The following PDE2A variants were observed in gnomAD, a reference collection of about 807,000 sequenced individuals.
The protein encoded by PDE2A is phosphodiesterase 2A.
Under a neutral mutation model 133.6 loss-of-function variants are expected in PDE2A, and 53 were observed. The ratio of observed to expected loss-of-function variants is 0.40; its 90% CI spans 0.32 to 0.50. The LOEUF is 0.50. PDE2A is among the 20% of genes least tolerant of loss of function. PDE2A has a pLI of 0.73. For synonymous variants in PDE2A, 491 were observed against 490.2 expected, an observed-to-expected ratio of 1.00 and a Z score of -0.02; for missense variants, 796 against 1,232.4, an observed-to-expected ratio of 0.65 and a Z score of 5.30.
At chr11:72,652,567 T>C (rs1393477741) in intron 1 of PDE2A, 1 of 456,138 alleles carries the variant, frequency 2.2e-6, no homozygotes, top group Non-Finnish European at 4.4e-6. Context: ...TCAATTAAAT[T>C]TTAAACAACT....
intron 2 of PDE2A, among the ~76,000 whole-genome samples, chr11:72,616,441 G>T (rs1047082165): frequency 6.6e-6 from 1 of 152,198 alleles, no homozygotes; most frequent in African/African-American, 2.4e-5. Context: ...CCCCTCTCCA[G>T]GTCTCCAGCA....
At chr11:72,654,739 C>T (rs568165007) in intron 1 of PDE2A, among the ~76,000 whole-genome samples, 5 of 152,336 alleles carry the variant, frequency 3.3e-5, no homozygotes, top group Admixed American at 3.3e-4. Context: ...TCTCCAGACT[C>T]TTACTGGAGG....
At chr11:72,624,913 A>C (rs1458392329) in intron 2 of PDE2A, among the ~76,000 whole-genome samples, 1 of 152,220 alleles carries the variant, frequency 6.6e-6, no homozygotes, top group Non-Finnish European at 1.5e-5. Context: ...TCACATGTGC[A>C]GAACGCCCCC....
At chr11:72,647,287 G>A (rs1463600801) in intron 1 of PDE2A, among the ~76,000 whole-genome samples, 2 of 152,200 alleles carry the variant, frequency 1.3e-5, no homozygotes, top group Non-Finnish European at 2.9e-5. Flanking sequence ...GGAAGCCCAG[G>A]TTCAAACCCT....
chr11:72,587,916 A>C (rs1250764788), intron 13 of PDE2A: 2 of 152,232 alleles, frequency 1.3e-5, no homozygotes, highest in Non-Finnish European at 1.5e-5. Context: ...ACACCTACCT[A>C]GTCCCAGGCT....
At chr11:72,651,093 T>C (rs896853320) in intron 1 of PDE2A, among the ~76,000 whole-genome samples, 2 of 152,176 alleles carry the variant, frequency 1.3e-5, no homozygotes, top group Non-Finnish European at 2.9e-5. Context: ...TCCCAGAGCT[T>C]CATGTTCTTA....
chr11:72,580,500 G>C, intron 25 of PDE2A, 77 bp downstream of exon 25: 1 of 1,068,716 alleles, frequency 9.4e-7, no homozygotes, highest in East Asian at 2.6e-5. Flanking sequence ...TTTGGGAATA[G>C]GAGGAGCTGG....
Position 72,585,388 on chromosome 11 carries a change from G to A in PDE2A, c.1269C>T (p.Asn423=). ...LLQEIITEAR[N]LSNAEICSVF... ...TCACTCACATCTCTGCGTTGCTGAG[G>A]TTTCTGGCCTCCGTGATGATCTCCT... The change falls in exon 16 of 31, where the codon AAC becomes AAT. Residue 423 remains asparagine, a synonymous_variant. Coordinates refer to ENST00000334456, the MANE Select transcript of PDE2A (RefSeq NM_002599.5). The A allele has an allele frequency of 1.2e-6, 2 of 1,614,112 alleles. No individual in the cohort carries two copies. Among genetic ancestry groups the A allele is most frequent in the Non-Finnish European group, 1.7e-6 (2 of 1,179,966 alleles).
intron 4 of PDE2A, among the ~76,000 whole-genome samples, chr11:72,602,571 G>A (rs1856803786): frequency 6.6e-6 from 1 of 152,286 alleles, no homozygotes; most frequent in African/African-American, 2.4e-5. Context: ...ACCATCGGAA[G>A]GACCCTGTAC....
intron 1 of PDE2A, among the ~76,000 whole-genome samples, chr11:72,644,359 A>G (rs553212979): frequency 1.1e-4 from 16 of 152,344 alleles, no homozygotes; most frequent in Admixed American, 9.1e-4. Flanking sequence ...AAGATGTGTA[A>G]AGGTTCTGGC....
chr11:72,666,560 C>G (rs889338573), intron 1 of PDE2A, among the ~76,000 whole-genome samples: 1 of 152,014 alleles, frequency 6.6e-6, no homozygotes, highest in Non-Finnish European at 1.5e-5. Context: ...CAGGAAAGCG[C>G]GACCCAGGAG....
At chr11:72,648,690 G>A (rs565827396) in intron 1 of PDE2A, among the ~76,000 whole-genome samples, 1 of 152,146 alleles carries the variant, frequency 6.6e-6, no homozygotes, top group Non-Finnish European at 1.5e-5. Context: ...TAAAGTCCAG[G>A]GGGCTCGAGC....
intron 1 of PDE2A, among the ~76,000 whole-genome samples, chr11:72,665,784 C>G (rs995106859): frequency 6.6e-6 from 1 of 152,124 alleles, no homozygotes; most frequent in East Asian, 1.9e-4. Context: ...CTGCCACCCT[C>G]ACTTTGAGCC....
intron 2 of PDE2A, among the ~76,000 whole-genome samples, chr11:72,611,974 A>G (rs1279286226): frequency 6.6e-6 from 1 of 152,114 alleles, no homozygotes; most frequent in Non-Finnish European, 1.5e-5. Context: ...GGAAGGAGAG[A>G]ATCAGTGGGG....
At position 72,584,633 on chromosome 11, in the gene PDE2A, C is replaced by T. The variant is rs1855880129; in HGVS notation, c.1455G>A (p.Pro485=). The change falls in exon 18 of 31, where the codon CCG becomes CCA. Residue 485 remains proline, a synonymous_variant. Coordinates refer to ENST00000334456, the MANE Select transcript of PDE2A (RefSeq NM_002599.5). The part of the protein sequence containing the change: ...ILNIPDAYAH[P]LFYRGVDDST... ...TGTCGTCCACGCCGCGGTAGAAAAG[C>T]GGATGGGCATATGCGTCAGGGATGT... 5 of 1,613,258 alleles carry T rather than the reference C, an allele frequency of 3.1e-6. No homozygotes were observed. The highest frequency in any genetic ancestry group is 4.2e-6 in the Non-Finnish European group (5 of 1,180,030).
intron 1 of PDE2A, among the ~76,000 whole-genome samples, chr11:72,671,614 G>A (rs1591152831): frequency 6.6e-6 from 1 of 152,092 alleles, no homozygotes; most frequent in Non-Finnish European, 1.5e-5. Flanking sequence ...CAGGGGGAAT[G>A]ACTGCGGGGG....
chr11:72,589,661 G>T, intron 11 of PDE2A, 90 bp downstream of exon 11: 1 of 1,100,052 alleles, frequency 9.1e-7, no homozygotes, highest in Non-Finnish European at 1.4e-6. Context: ...GAGTCTAGAA[G>T]ATCCAAATAC....
At chr11:72,610,270 G>C (rs1025251463) in intron 2 of PDE2A, among the ~76,000 whole-genome samples, 1 of 152,142 alleles carries the variant, frequency 6.6e-6, no homozygotes, top group African/African-American at 2.4e-5. Context: ...GGCTGGCCTT[G>C]GTCTAGTGGG....
chr11:72,589,679 A>G (rs1038823548), intron 11 of PDE2A, 72 bp downstream of exon 11: 1 of 1,280,232 alleles, frequency 7.8e-7, no homozygotes, highest in Admixed American at 1.7e-5. Flanking sequence ...TACTCCAGGC[A>G]GATCCCAGGA....
Sources: allele counts gnomAD v4.1 joint callset (sites outside exome capture counted in the v4.1 genomes callset), GRCh38; gene constraint gnomAD v4.1.1; transcripts MANE v1.5; gene names NCBI Gene and HGNC (gene_info 2026-07-23, HGNC 2026-07-21).